Variants in SHANK2 observed in about 807,000 individuals in gnomAD.
The protein encoded by SHANK2 is SH3 and multiple ankyrin repeat domains protein 2.
SHANK2 carries 43 observed loss-of-function variants against 133.7 expected under a neutral mutation model. The observed-to-expected ratio is 0.32, with a 90% CI of 0.25 to 0.41. The LOEUF (loss-of-function observed/expected upper bound fraction) is 0.41, where lower values mean the gene tolerates loss of function less well. SHANK2 is among the 10% of genes least tolerant of loss of function. The probability of loss-of-function intolerance (pLI) is 1.00; values close to 1 mark genes in which losing one functional copy is unlikely to be tolerated. For synonymous variants in SHANK2, 1,017 were observed against 952.8 expected, an observed-to-expected ratio of 1.07 and a Z score of -1.24; for missense variants, 1,994 against 2,235.8, an observed-to-expected ratio of 0.89 and a Z score of 2.18.
intron 2 of SHANK2, among the ~76,000 whole-genome samples, chr11:71,217,288 T>C (rs1488701255): frequency 1.3e-5 from 2 of 150,778 alleles, no homozygotes; most frequent in Non-Finnish European, 3.0e-5. Context: ...GGTGGATCAC[T>C]TGAGGTGAGG....
chr11:71,110,197 G>A, intron 5 of SHANK2, 148 bp from the exon 6 acceptor site: 1 of 615,220 alleles, frequency 1.6e-6, no homozygotes, highest in Non-Finnish European at 2.9e-6. Context: ...CCAGCACTTT[G>A]TGAGGCCGAG....
At chr11:71,098,733 G>C (rs935901893) in intron 6 of SHANK2, among the ~76,000 whole-genome samples, 5 of 152,188 alleles carry the variant, frequency 3.3e-5, no homozygotes, top group Non-Finnish European at 5.9e-5. Context: ...GGATTCACAA[G>C]TGAACGGGAG....
chr11:71,215,291 G>A (rs1954382914), intron 2 of SHANK2, among the ~76,000 whole-genome samples: 1 of 152,118 alleles, frequency 6.6e-6, no homozygotes, highest in Non-Finnish European at 1.5e-5. Context: ...GTAACATCTG[G>A]TCCCCCTGCC....
intron 2 of SHANK2, among the ~76,000 whole-genome samples, chr11:71,183,320 G>A (rs918817530): frequency 7.2e-5 from 11 of 152,140 alleles, no homozygotes; most frequent in Non-Finnish European, 1.3e-4. Context: ...CTCATGCTGT[G>A]GGTGAAACTC....
At chr11:70,902,655 CAGGATT>C (rs2135689870) in intron 10 of SHANK2, among the ~76,000 whole-genome samples, 1 of 151,252 alleles carries the variant, frequency 6.6e-6, no homozygotes, top group East Asian at 1.9e-4. Flanking sequence ...GAGGGCACCA[CAGGATT>C]TTTTTTGTGG....
At chr11:71,088,923 C>T (rs1158321780) in intron 8 of SHANK2, among the ~76,000 whole-genome samples, 1 of 146,344 alleles carries the variant, frequency 6.8e-6, no homozygotes, top group Admixed American at 6.8e-5. Flanking sequence ...AGAGGCCTCC[C>T]CTCGTCCTGA....
At position 70,872,591 on chromosome 11, in the gene SHANK2, A is replaced by G. The variant is rs111497165; in HGVS notation, c.1174+23910T>C. Among the ~76,000 whole-genome samples, 161 of 152,036 alleles carry G rather than the reference A, an allele frequency of 1.1e-3. 4 individuals carry two copies. Among genetic ancestry groups the G allele is most frequent in the Admixed American group, 3.1e-3 (48 of 15,292 alleles). The stretch of plus-strand genomic sequence containing the variant: ...CAGATGGAGGGAATAGGGGGCCCCC[A>G]TACAGAGGGGCCCCCCACAGACCAG... On this transcript the variant is annotated intron_variant, in intron 11 of 25. Coordinates refer to ENST00000601538, the MANE Select transcript of SHANK2 (RefSeq NM_012309.5).
intron 8 of SHANK2, among the ~76,000 whole-genome samples, chr11:71,085,531 T>C (rs1425755081): frequency 9.2e-6 from 1 of 109,210 alleles, no homozygotes; most frequent in African/African-American, 3.6e-5. Flanking sequence ...CTATATATTA[T>C]ATTATATAAA....
At position 71,085,664 on chromosome 11, in the gene SHANK2, A is replaced by ATATATATAATATAATATATATAACATAT. The variant is rs1590894345; in HGVS notation, c.912+6757_912+6758insATATGTTATATATATTATATTATATATA. Among the ~76,000 whole-genome samples, 5 of 14,998 alleles carry ATATATATAATATAATATATATAACATAT rather than the reference A, an allele frequency of 3.3e-4. 1 individual carries two copies. Among genetic ancestry groups the ATATATATAATATAATATATATAACATAT allele is most frequent in the Admixed American group, 2.9e-3 (2 of 684 alleles). The allele number at this position is 14,998 out of a possible 152,430, so 9.8% of individuals were successfully genotyped here. A position where few individuals can be genotyped will look rare whatever the true frequency, so the allele number is the denominator to read the frequency against. On this transcript the variant is annotated intron_variant, in intron 8 of 25. Coordinates refer to ENST00000601538, the MANE Select transcript of SHANK2 (RefSeq NM_012309.5). Reference sequence around the variant, plus strand: ...AATATATTATGTTATATATTATATTATATATGTTATATATATAATATAATA... The same window carrying ATATATATAATATAATATATATAACATAT: ...AATATATTATGTTATATATTATATTATATATATAATATAATATATATAACATATTATATGTTATATATATAATATAATA...
At chr11:70,632,100 C>T (rs1355779675) in intron 17 of SHANK2, among the ~76,000 whole-genome samples, 5 of 152,174 alleles carry the variant, frequency 3.3e-5, no homozygotes. Context: ...GTCCTTCAAT[C>T]AGGGAAGAGT....
intron 24 of SHANK2, 129 bp downstream of exon 24, chr11:70,489,199 A>G (rs1265266693): frequency 3.3e-6 from 3 of 909,068 alleles, no homozygotes; most frequent in African/African-American, 3.3e-5. Flanking sequence ...AGTGTTCTCC[A>G]TTGACCAGTC....
chr11:71,088,501 C>T (rs1198978901), intron 8 of SHANK2, among the ~76,000 whole-genome samples: 3 of 152,040 alleles, frequency 2.0e-5, no homozygotes, highest in Non-Finnish European at 4.4e-5. Flanking sequence ...TTTGGCCAGG[C>T]GGGAGGGACG....
At position 71,085,613 on chromosome 11, in the gene SHANK2, ATT is replaced by A. The variant is rs1291177190; in HGVS notation, c.912+6807_912+6808del. ...TATATAATATATATATTAAATATAT[ATT>A]ATATTATATATTATAATATATATAA... On this transcript the variant is annotated intron_variant, in intron 8 of 25. Coordinates refer to ENST00000601538, the MANE Select transcript of SHANK2 (RefSeq NM_012309.5). Among the ~76,000 whole-genome samples, 20 of 79,594 alleles carry A rather than the reference ATT, an allele frequency of 2.5e-4. No individual in the cohort carries two copies. In the Admixed American group the frequency reaches 2.8e-3, roughly 11 times the overall value. 52.2% of individuals were successfully genotyped at this position (79,594 alleles called of 152,430 possible). A position where few individuals can be genotyped will look rare whatever the true frequency, so the allele number is the denominator to read the frequency against.
chr11:70,912,179 CACTT>C (rs1365411634), intron 10 of SHANK2, among the ~76,000 whole-genome samples: 1 of 149,922 alleles, frequency 6.7e-6, no homozygotes, highest in Admixed American at 6.6e-5. Flanking sequence ...GTGGTGGTGA[CACTT>C]ACCACGTGAC....
In SHANK2 at chr11:70,469,178, G is replaced by C. The variant is rs2058568217; in HGVS notation, c.*3691C>G. ...GCCTATAGCAGCGGTCACAGAAGCAGATTTTGACGTTTTGCATAATTCTGA... is the reference window on the plus strand; with the variant it reads ...GCCTATAGCAGCGGTCACAGAAGCACATTTTGACGTTTTGCATAATTCTGA... On this transcript the variant is annotated 3_prime_UTR_variant, in exon 26 of 26. Transcript: ENST00000601538. 6.6e-6 allele frequency: 1 copy of C among 152,250 alleles called. No homozygotes were observed. The highest frequency in any genetic ancestry group is 2.4e-5 in the African/African-American group (1 of 41,462). 9.4% of individuals were successfully genotyped at this position (152,250 alleles called of 1,614,324 possible).
chr11:70,877,828 C>T (rs1405989222), intron 11 of SHANK2, among the ~76,000 whole-genome samples: 1 of 152,180 alleles, frequency 6.6e-6, no homozygotes, highest in African/African-American at 2.4e-5. Flanking sequence ...ATAAATATTC[C>T]CTGCGGAGAA....
chr11:70,826,260 C>T (rs576730951), intron 11 of SHANK2, among the ~76,000 whole-genome samples: 2 of 152,316 alleles, frequency 1.3e-5, no homozygotes, highest in East Asian at 1.9e-4. Context: ...AAGCAGCACA[C>T]GATAAGGCGA....
At chr11:71,076,588 C>T (rs1422583556) in intron 8 of SHANK2, among the ~76,000 whole-genome samples, 1 of 151,930 alleles carries the variant, frequency 6.6e-6, no homozygotes, top group African/African-American at 2.4e-5. Context: ...ATTGCTGTGT[C>T]TCCCACAAAT....
At chr11:70,953,113 T>A (rs1286556051) in intron 10 of SHANK2, among the ~76,000 whole-genome samples, 5 of 152,018 alleles carry the variant, frequency 3.3e-5, no homozygotes, top group Admixed American at 3.3e-4. Flanking sequence ...AGTGCTACAC[T>A]TTGAACACTG....
Sources: gnomAD v4.1 joint callset for allele counts (sites outside exome capture counted in the v4.1 genomes callset) on GRCh38, gnomAD v4.1.1 for gene constraint, MANE v1.5 for transcripts, NCBI Gene and HGNC (gene_info 2026-07-23, HGNC 2026-07-21) for gene names.